Variants in GIPC2 observed in about 807,000 individuals in gnomAD.
GIPC2 encodes the protein GIPC PDZ domain containing family member 2, also known as PDZ domain-containing protein GIPC2.
A neutral mutation model predicts 30.6 loss-of-function variants in GIPC2; 30 were observed. The ratio of observed to expected loss-of-function variants is 0.98; its 90% confidence interval spans 0.73 to 1.33. The LOEUF is 1.33. Among genes scored for constraint, GIPC2 ranks in the 40% most tolerant of loss-of-function variants. GIPC2 has a pLI of 0.00. For synonymous variants in GIPC2, 167 were observed against 150.0 expected, an observed-to-expected ratio of 1.11 and a Z score of -0.83; for missense variants, 414 against 390.3, an observed-to-expected ratio of 1.06 and a Z score of -0.51.
intron 2 of GIPC2, among the ~76,000 whole-genome samples, chr1:78,086,530 G>A (rs1230682075): frequency 6.6e-6 from 1 of 152,116 alleles, no homozygotes; most frequent in Admixed American, 6.5e-5. Flanking sequence ...GAGTGTTGAA[G>A]TCTCCCACTA....
Position 78,137,529 on chromosome 1 carries a change from A to G in GIPC2, c.*1786A>G, listed in dbSNP as rs1210359226. 6.6e-6 allele frequency: 1 copy of G among 152,076 alleles called. No individual in the cohort carries two copies. The highest frequency in any genetic ancestry group is 1.5e-5 in the Non-Finnish European group (1 of 67,998). The allele number at this position is 152,076 out of a possible 1,614,324, so 9.4% of individuals were successfully genotyped here. Reference sequence around the variant, plus strand: ...ACACACTTGGTGCTGATTCCATGTGATTTATGGAATGTCATTTTCACAATG... The same window carrying G: ...ACACACTTGGTGCTGATTCCATGTGGTTTATGGAATGTCATTTTCACAATG... On this transcript the variant is annotated 3_prime_UTR_variant, in exon 6 of 6. Transcript: ENST00000370759.
intron 5 of GIPC2, among the ~76,000 whole-genome samples, chr1:78,126,909 T>C (rs768572395): frequency 6.6e-6 from 1 of 152,138 alleles, no homozygotes; most frequent in African/African-American, 2.4e-5. Context: ...TAGGTCTGGG[T>C]TGAACGCTCT....
At chr1:78,131,375 A>AT (rs1662895186) in intron 5 of GIPC2, among the ~76,000 whole-genome samples, 1 of 151,678 alleles carries the variant, frequency 6.6e-6, no homozygotes, top group African/African-American at 2.4e-5. Context: ...CGACCAGCTA[A>AT]TTTTTTGTAT....
intron 1 of GIPC2, among the ~76,000 whole-genome samples, chr1:78,079,138 C>T (rs1661779676): frequency 6.6e-6 from 1 of 152,062 alleles, no homozygotes; most frequent in Non-Finnish European, 1.5e-5. Flanking sequence ...TGTATTTTGC[C>T]CTTGCCGGGA....
In GIPC2 at chr1:78,130,026, G is replaced by A. The variant is rs150454051; in HGVS notation, c.796+4064G>A. 3.3e-3 allele frequency among the ~76,000 whole-genome samples: 491 copies of A among 149,620 alleles called. 4 individuals are homozygous for A. The highest frequency in any genetic ancestry group is 0.012 in the African/African-American group (473 of 40,732). On this transcript the variant is annotated intron_variant, in intron 5 of 5. Transcript: ENST00000370759. ...TGCTTTTGGAGCAGATATGAAGTCT[G>A]TTATAGCTCTTGAAAAAGTATGCAG...
intron 5 of GIPC2, 131 bp downstream of exon 5, chr1:78,126,093 A>G (rs1662777619): frequency 1.8e-6 from 1 of 553,116 alleles, no homozygotes; most frequent in Non-Finnish European, 3.3e-6. Flanking sequence ...AATAACAGAC[A>G]TAAAGATAAG....
chr1:78,050,637 T>A (rs1661178475), intron 1 of GIPC2, among the ~76,000 whole-genome samples: 1 of 152,054 alleles, frequency 6.6e-6, no homozygotes, highest in South Asian at 2.1e-4. Flanking sequence ...ATCTTTTTTT[T>A]TTTTTCTTTT....
Position 78,116,350 on chromosome 1 carries a change from G to T in GIPC2, c.608-3043G>T, listed in dbSNP as rs140497060. On this transcript the variant is annotated intron_variant, in intron 3 of 5. Transcript: ENST00000370759. Reference sequence around the variant, plus strand: ...CACAGAGCCAAACCATATCACCTAGGTTCTTTTTTTCAATTATTATTATAC... The same window carrying T: ...CACAGAGCCAAACCATATCACCTAGTTTCTTTTTTTCAATTATTATTATAC... 6.5e-3 allele frequency among the ~76,000 whole-genome samples: 983 copies of T among 152,144 alleles called. 10 individuals are homozygous for T. Among genetic ancestry groups the T allele is most frequent in the African/African-American group, 0.023 (936 of 41,522 alleles).
chr1:78,110,067 A>G (rs1033760975), intron 3 of GIPC2, among the ~76,000 whole-genome samples: 4 of 152,202 alleles, frequency 2.6e-5, no homozygotes, highest in Non-Finnish European at 4.4e-5. Flanking sequence ...GGATAGCATT[A>G]GGAGATATAC....
At chr1:78,079,407 AAGCCATT>A (rs779947884) in intron 1 of GIPC2, among the ~76,000 whole-genome samples, 6 of 152,202 alleles carry the variant, frequency 3.9e-5, no homozygotes, top group Non-Finnish European at 8.8e-5. Flanking sequence ...ATGGCCTAAA[AAGCCATT>A]CAGTAAGTAG....
intron 3 of GIPC2, among the ~76,000 whole-genome samples, chr1:78,106,659 C>A (rs1163908115): frequency 1.3e-5 from 2 of 152,094 alleles, no homozygotes; most frequent in Non-Finnish European, 2.9e-5. Flanking sequence ...AAGAAAAATA[C>A]CTTACAGTGG....
At position 78,058,956 on chromosome 1, in the gene GIPC2, A is replaced by T. The variant is rs1661345167; in HGVS notation, c.240+12622A>T. 2.6e-5 allele frequency among the ~76,000 whole-genome samples: 4 copies of T among 152,168 alleles called. No homozygotes were observed. The South Asian group carries it at 6.2e-4, about 24-fold the overall frequency. The stretch of plus-strand genomic sequence containing the variant: ...CATTTAGCACCAAAGAACTCTGCCA[A>T]ATAGCTTCCATTTCATCCTTGTCCT... On this transcript the variant is annotated intron_variant, in intron 1 of 5. Transcript: ENST00000370759.
At chr1:78,050,852 T>C (rs1053437572) in intron 1 of GIPC2, among the ~76,000 whole-genome samples, 5 of 152,138 alleles carry the variant, frequency 3.3e-5, no homozygotes, top group African/African-American at 1.2e-4. Context: ...GCCAGGATTG[T>C]CTCGATCTCC....
intron 1 of GIPC2, among the ~76,000 whole-genome samples, chr1:78,058,608 C>T (rs895989936): frequency 2.6e-5 from 4 of 152,096 alleles, no homozygotes; most frequent in Admixed American, 2.0e-4. Flanking sequence ...ACATGAATCC[C>T]TTGACATATT....
At chr1:78,081,895 A>G (rs182096832) in intron 2 of GIPC2, among the ~76,000 whole-genome samples, 1 of 152,252 alleles carries the variant, frequency 6.6e-6, no homozygotes, top group Admixed American at 6.5e-5. Flanking sequence ...GTACAGCTTA[A>G]TGAATGTTTA....
chr1:78,068,270 C>A (rs1446039420), intron 1 of GIPC2, among the ~76,000 whole-genome samples: 1 of 152,180 alleles, frequency 6.6e-6, no homozygotes, highest in African/African-American at 2.4e-5. Context: ...GAGTTAATAT[C>A]CAACTCTCCC....
chr1:78,066,577 G>A (rs1192604300), intron 1 of GIPC2, among the ~76,000 whole-genome samples: 2 of 152,162 alleles, frequency 1.3e-5, no homozygotes, highest in African/African-American at 2.4e-5. Context: ...GTAGAGACCC[G>A]TGCACATGTA....
At chr1:78,069,042 G>A in intron 1 of GIPC2, 1 of 984,452 alleles carries the variant, frequency 1.0e-6, no homozygotes, top group Non-Finnish European at 1.2e-6. Flanking sequence ...AGGAATGGCG[G>A]TAATGTTGGC....
At chr1:78,100,527 G>A (rs1337521209) in intron 3 of GIPC2, among the ~76,000 whole-genome samples, 2 of 152,070 alleles carry the variant, frequency 1.3e-5, no homozygotes, top group Non-Finnish European at 2.9e-5. Flanking sequence ...TTTGAGATGA[G>A]GAAAGCTGGC....
Sources: allele counts gnomAD v4.1 joint callset (sites outside exome capture counted in the v4.1 genomes callset), GRCh38; gene constraint gnomAD v4.1.1; transcripts MANE v1.5; gene names NCBI Gene and HGNC (gene_info 2026-07-23, HGNC 2026-07-21).